NBAS: variants seen among roughly 807,000 people sequenced by gnomAD.
NBAS encodes the protein NBAS subunit of NRZ tethering complex.
In NBAS, 219 loss-of-function variants were observed where a neutral mutation model predicts 302.5. That is an observed-to-expected ratio of 0.72 (90% CI 0.65 to 0.81). The LOEUF is 0.81. Ranked by LOEUF, NBAS falls within the 30% of genes least tolerant of loss-of-function variation. The pLI, the probability that NBAS is intolerant of heterozygous loss-of-function variation, is 0.00. For missense variants in NBAS, 2,932 were observed against 2,841.6 expected, an observed-to-expected ratio of 1.03 and a Z score of -0.72; for synonymous variants, 1,118 against 1,021.6, an observed-to-expected ratio of 1.09 and a Z score of -1.80.
chr2:15,082,173 G>T, the NBAS span, among the ~76,000 whole-genome samples: 2 of 152,154 alleles, frequency 1.3e-5, no homozygotes, highest in South Asian at 2.1e-4. Flanking sequence ...TTGTGCATGA[G>T]TACCCTGTCA....
At chr2:15,017,382 C>T in the NBAS span, among the ~76,000 whole-genome samples, 3 of 151,966 alleles carry the variant, frequency 2.0e-5, no homozygotes, top group Non-Finnish European at 4.4e-5. Context: ...AGACAATCTA[C>T]AGAATGGTAG....
chr2:14,870,408 T>A, the NBAS span, among the ~76,000 whole-genome samples: 2 of 152,226 alleles, frequency 1.3e-5, no homozygotes, highest in African/African-American at 4.8e-5. Flanking sequence ...AGGAACATGC[T>A]GAATGATCAC....
At chr2:15,071,488 G>T in the NBAS span, among the ~76,000 whole-genome samples, 1 of 152,066 alleles carries the variant, frequency 6.6e-6, no homozygotes, top group Non-Finnish European at 1.5e-5. Context: ...GCCGGGCGTG[G>T]CAGAGGGCAC....
At chr2:15,444,123 T>C (rs1029495444) in intron 21 of NBAS, among the ~76,000 whole-genome samples, 4 of 151,870 alleles carry the variant, frequency 2.6e-5, no homozygotes, top group African/African-American at 9.7e-5. Context: ...AAGCTACCAA[T>C]GACTTTCTTC....
At chr2:15,351,624 G>A (rs6724032) in intron 35 of NBAS, among the ~76,000 whole-genome samples, 10,130 of 151,998 alleles carry the variant, frequency 0.067, 974 homozygotes, top group African/African-American at 0.21. Context: ...GTTGCAGTGA[G>A]TGGAGATCAC....
the NBAS span, among the ~76,000 whole-genome samples, chr2:14,974,377 G>C: frequency 1.3e-5 from 2 of 152,192 alleles, no homozygotes; most frequent in Non-Finnish European, 2.9e-5. Flanking sequence ...GAGTGGACAT[G>C]GCATGGGGCC....
At chr2:15,140,749 G>A in the NBAS span, among the ~76,000 whole-genome samples, 21 of 152,292 alleles carry the variant, frequency 1.4e-4, no homozygotes, top group East Asian at 4.1e-3. Flanking sequence ...AACCTTGATT[G>A]TGACCTAAAA....
the NBAS span, among the ~76,000 whole-genome samples, chr2:15,046,612 TA>T: frequency 6.6e-6 from 1 of 152,212 alleles, no homozygotes; most frequent in East Asian, 1.9e-4. Flanking sequence ...TTATTTTATA[TA>T]TTTTTTTGCC....
chr2:15,424,665 TC>T (rs1422359403), intron 22 of NBAS, among the ~76,000 whole-genome samples, 197 bp from the exon 23 acceptor site: 1 of 152,198 alleles, frequency 6.6e-6, no homozygotes, highest in East Asian at 1.9e-4. Context: ...TAATTTATTT[TC>T]CCCCCGTTTT....
At chr2:15,524,853 G>A (rs972256683) in intron 9 of NBAS, among the ~76,000 whole-genome samples, 1 of 151,642 alleles carries the variant, frequency 6.6e-6, no homozygotes, top group African/African-American at 2.4e-5. Flanking sequence ...CTTGTTAAGA[G>A]CCATTGGCCT....
intron 45 of NBAS, among the ~76,000 whole-genome samples, chr2:15,237,009 C>T (rs911098338): frequency 2.6e-5 from 4 of 152,134 alleles, no homozygotes; most frequent in Non-Finnish European, 5.9e-5. Context: ...ACTGATCTTT[C>T]TAGCCATTCT....
the NBAS span, among the ~76,000 whole-genome samples, chr2:15,122,612 A>G: frequency 6.6e-6 from 1 of 152,150 alleles, no homozygotes; most frequent in African/African-American, 2.4e-5. Context: ...GAGAAAGAGT[A>G]TGAGGACTAG....
chr2:15,485,637 G>T (rs867868209), intron 12 of NBAS, among the ~76,000 whole-genome samples: 1 of 152,156 alleles, frequency 6.6e-6, no homozygotes, highest in Non-Finnish European at 1.5e-5. Flanking sequence ...GCTACAAGAC[G>T]ATCTTATTCC....
chr2:15,077,957 C>T, the NBAS span, among the ~76,000 whole-genome samples: 481 of 152,202 alleles, frequency 3.2e-3, 2 homozygotes, highest in African/African-American at 0.01. Flanking sequence ...GCTGGGATTA[C>T]AGGCATGAGC....
In NBAS at chr2:15,281,388, G is replaced by T. The variant is rs3792577; in HGVS notation, c.5139-4287C>A. On this transcript the variant is annotated intron_variant, in intron 42 of 51. Coordinates refer to ENST00000281513, the MANE Select transcript of NBAS (RefSeq NM_015909.4). ...ACTAGTGCTAAGCACTATGTCATCTGATTTAATTCTCACAAAGCGTATATC... is the reference window on the plus strand; with the variant it reads ...ACTAGTGCTAAGCACTATGTCATCTTATTTAATTCTCACAAAGCGTATATC... Among the ~76,000 whole-genome samples, 35 of 152,288 alleles carry T rather than the reference G, an allele frequency of 2.3e-4. No homozygotes were observed. In the East Asian group the frequency reaches 6.8e-3, roughly 29 times the overall value.
the NBAS span, among the ~76,000 whole-genome samples, chr2:15,087,925 G>A: frequency 5.3e-5 from 8 of 152,224 alleles, no homozygotes; most frequent in Admixed American, 5.2e-4. Flanking sequence ...TTGCATTACG[G>A]TTGCAGAGAC....
intron 9 of NBAS, among the ~76,000 whole-genome samples, chr2:15,523,233 T>A (rs750062405): frequency 6.6e-6 from 1 of 152,206 alleles, no homozygotes; most frequent in Non-Finnish European, 1.5e-5. Context: ...CTTTTTACTA[T>A]GATACGCAAT....
chr2:14,781,457 TA>T, the NBAS span, among the ~76,000 whole-genome samples: 15 of 148,056 alleles, frequency 1.0e-4, no homozygotes, highest in Middle Eastern at 3.5e-3. Context: ...CTGGGCTACT[TA>T]AAAAAAAAAT....
At chr2:14,941,886 G>A in the NBAS span, among the ~76,000 whole-genome samples, 3 of 152,166 alleles carry the variant, frequency 2.0e-5, no homozygotes, top group Admixed American at 6.5e-5. Flanking sequence ...CAGAGAAAGA[G>A]GGGGAGGCTC....
Sources: gnomAD v4.1 joint callset for allele counts (sites outside exome capture counted in the v4.1 genomes callset) on GRCh38, gnomAD v4.1.1 for gene constraint, MANE v1.5 for transcripts, NCBI Gene and HGNC (gene_info 2026-07-23, HGNC 2026-07-21) for gene names.